Variants in LRP1B observed in about 807,000 individuals in gnomAD.
LRP1B encodes the protein low-density lipoprotein receptor-related protein 1B.
A neutral mutation model predicts 556.6 loss-of-function variants in LRP1B; 217 were observed. The ratio of observed to expected loss-of-function variants is 0.39; its 90% CI spans 0.35 to 0.44. The LOEUF is 0.44. Ranked by LOEUF, LRP1B falls within the 20% of genes least tolerant of loss-of-function variation. The pLI is 1.00. For synonymous variants in LRP1B, 2,047 were observed against 1,865.8 expected, an observed-to-expected ratio of 1.10 and a Z score of -2.50; for missense variants, 5,053 against 5,620.8, an observed-to-expected ratio of 0.90 and a Z score of 3.23.
chr2:140,732,985 TTCTC>T (rs878966512), intron 35 of LRP1B, among the ~76,000 whole-genome samples: 5 of 152,126 alleles, frequency 3.3e-5, no homozygotes, highest in Admixed American at 1.3e-4. Flanking sequence ...GATATAACAA[TTCTC>T]TCTGTGTGTA....
intron 18 of LRP1B, among the ~76,000 whole-genome samples, chr2:140,961,671 T>C (rs997419090): frequency 1.3e-5 from 2 of 152,142 alleles, no homozygotes. Flanking sequence ...CTTTTAATTA[T>C]ACCATGAGGT....
chr2:140,842,631 AT>A (rs1321645566), intron 29 of LRP1B, among the ~76,000 whole-genome samples: 1 of 151,932 alleles, frequency 6.6e-6, no homozygotes, highest in African/African-American at 2.4e-5. Flanking sequence ...CAAAAGTAAT[AT>A]ACCACCTCCT....
intron 2 of LRP1B, among the ~76,000 whole-genome samples, chr2:141,774,155 G>C (rs1400561312): frequency 2.0e-5 from 3 of 152,136 alleles, no homozygotes; most frequent in Admixed American, 2.0e-4. Context: ...GAGGATGAAA[G>C]GGCTAATTTT....
chr2:141,166,970 C>T (rs531333064), intron 7 of LRP1B, among the ~76,000 whole-genome samples: 1 of 151,898 alleles, frequency 6.6e-6, no homozygotes. Flanking sequence ...GAACATGGAA[C>T]CTCTATACTT....
intron 3 of LRP1B, among the ~76,000 whole-genome samples, chr2:141,374,903 A>C (rs1689371029): frequency 6.6e-6 from 1 of 152,148 alleles, no homozygotes. Flanking sequence ...TTGCTGGACC[A>C]TTGTTGTGGT....
chr2:141,560,785 T>C (rs1234637184), intron 2 of LRP1B, among the ~76,000 whole-genome samples: 1 of 151,626 alleles, frequency 6.6e-6, no homozygotes, highest in African/African-American at 2.4e-5. Context: ...GATTTAGTAA[T>C]AATCAAGCAT....
intron 7 of LRP1B, among the ~76,000 whole-genome samples, chr2:141,083,385 AT>A (rs1320362401): frequency 2.0e-5 from 3 of 150,320 alleles, no homozygotes; most frequent in Non-Finnish European, 1.5e-5. Context: ...AACAGGGATG[AT>A]TAAAAAAAAA....
At chr2:140,837,645 T>C (rs1368326262) in intron 31 of LRP1B, among the ~76,000 whole-genome samples, 1 of 152,150 alleles carries the variant, frequency 6.6e-6, no homozygotes, top group East Asian at 1.9e-4. Context: ...TGTAGGGACA[T>C]GGATGAAGCT....
At chr2:140,613,485 T>G (rs948355921) in intron 41 of LRP1B, among the ~76,000 whole-genome samples, 2 of 147,128 alleles carry the variant, frequency 1.4e-5, no homozygotes, top group Non-Finnish European at 3.0e-5. Flanking sequence ...GTGAGTGCAC[T>G]CCAAGGCTTT....
At chr2:140,621,198 G>A (rs1467512954) in intron 41 of LRP1B, among the ~76,000 whole-genome samples, 1 of 151,310 alleles carries the variant, frequency 6.6e-6, no homozygotes, top group Non-Finnish European at 1.5e-5. Context: ...TGGCTAACAC[G>A]GTGAAACCCC....
chr2:141,633,675 G>T (rs1688992707), intron 2 of LRP1B, among the ~76,000 whole-genome samples: 3 of 151,674 alleles, frequency 2.0e-5, no homozygotes, highest in African/African-American at 7.3e-5. Context: ...AAGTACATTC[G>T]CAGTGTTGTG....
intron 3 of LRP1B, among the ~76,000 whole-genome samples, chr2:141,353,316 C>G (rs186210851): frequency 6.6e-6 from 1 of 151,966 alleles, no homozygotes; most frequent in African/African-American, 2.4e-5. Flanking sequence ...ATGAGAGATA[C>G]CTGGGTCATC....
intron 1 of LRP1B, among the ~76,000 whole-genome samples, chr2:141,941,026 A>T (rs1700783542): frequency 6.6e-6 from 1 of 152,194 alleles, no homozygotes; most frequent in African/African-American, 2.4e-5. Context: ...TCCCCAATGC[A>T]GTTTTTACAT....
intron 32 of LRP1B, among the ~76,000 whole-genome samples, chr2:140,780,802 A>G (rs1310346560): frequency 6.6e-6 from 1 of 152,108 alleles, no homozygotes; most frequent in East Asian, 1.9e-4. Context: ...CATTATTTTT[A>G]TTGCTACAGG....
intron 2 of LRP1B, among the ~76,000 whole-genome samples, chr2:141,661,873 T>C (rs557531295): frequency 1.8e-4 from 27 of 152,060 alleles, no homozygotes; most frequent in Admixed American, 6.6e-4. Context: ...CCAAGACACA[T>C]AATCATCAAT....
intron 3 of LRP1B, among the ~76,000 whole-genome samples, chr2:141,262,093 A>G (rs1684710325): frequency 6.6e-6 from 1 of 152,048 alleles, no homozygotes; most frequent in African/African-American, 2.4e-5. Flanking sequence ...ATTTGAGTAT[A>G]TATGTAGTGG....
intron 2 of LRP1B, among the ~76,000 whole-genome samples, chr2:141,778,745 A>G (rs1395970792): frequency 6.6e-6 from 1 of 152,242 alleles, no homozygotes; most frequent in African/African-American, 2.4e-5. Flanking sequence ...TCCTTGCTCT[A>G]GCAGCCTTTG....
chr2:141,662,522 G>A (rs569075323), intron 2 of LRP1B, among the ~76,000 whole-genome samples: 1 of 152,134 alleles, frequency 6.6e-6, no homozygotes, highest in East Asian at 1.9e-4. Flanking sequence ...AAAAGCACAA[G>A]CTGCAATCCT....
chr2:140,999,548 C>A (rs1283962619), intron 15 of LRP1B, among the ~76,000 whole-genome samples: 1 of 151,988 alleles, frequency 6.6e-6, no homozygotes, highest in African/African-American at 2.4e-5. Context: ...AAGCCAAAGT[C>A]ATTTAAATTT....
Sources: allele counts gnomAD v4.1 joint callset (sites outside exome capture counted in the v4.1 genomes callset), GRCh38; gene constraint gnomAD v4.1.1; transcripts MANE v1.5; gene names NCBI Gene and HGNC (gene_info 2026-07-23, HGNC 2026-07-21).